The following SOX6 variants were observed in gnomAD, a reference collection of about 807,000 sequenced individuals.
The protein encoded by SOX6 is SRY-box transcription factor 6.
Under a neutral mutation model 97.8 loss-of-function variants are expected in SOX6, and 11 were observed. The observed-to-expected ratio is 0.11, with a 90% CI of 0.07 to 0.19. The LOEUF (loss-of-function observed/expected upper bound fraction) is 0.19. Ranked by LOEUF, SOX6 falls within the 10% of genes least tolerant of loss-of-function variation. The pLI is 1.00. For synonymous variants in SOX6, 360 were observed against 371.4 expected, an observed-to-expected ratio of 0.97 and a Z score of 0.35; for missense variants, 810 against 1,039.5, an observed-to-expected ratio of 0.78 and a Z score of 3.04.
At chr11:16,569,868 C>CAAAAAGAAAAAAAAAAAAAA (rs1847918387) in intron 4 of SOX6, among the ~76,000 whole-genome samples, 1 of 84,816 alleles carries the variant, frequency 1.2e-5, no homozygotes, top group Non-Finnish European at 2.1e-5. Context: ...GACTCCGTCT[C>CAAAAAGAAAAAAAAAAAAAA]AAAAAAAAAA....
chr11:16,531,771 TC>T (rs1353524018), intron 4 of SOX6, among the ~76,000 whole-genome samples: 2 of 151,992 alleles, frequency 1.3e-5, no homozygotes, highest in African/African-American at 2.4e-5. Flanking sequence ...CTAATCTTTT[TC>T]TTGATTTCTT....
intron 4 of SOX6, among the ~76,000 whole-genome samples, chr11:16,525,690 C>G (rs1408890528): frequency 6.6e-6 from 1 of 151,754 alleles, no homozygotes; most frequent in African/African-American, 2.4e-5. Flanking sequence ...TCAGAGTGAA[C>G]AGGCAACCTA....
intron 1 of SOX6, among the ~76,000 whole-genome samples, chr11:16,463,444 G>A (rs1859970067): frequency 6.6e-6 from 1 of 152,142 alleles, no homozygotes; most frequent in Non-Finnish European, 1.5e-5. Context: ...ATCATTTTAA[G>A]TGCTAAGAAG....
At chr11:16,308,143 G>T (rs1002054938) in intron 3 of SOX6, among the ~76,000 whole-genome samples, 29 of 152,036 alleles carry the variant, frequency 1.9e-4, no homozygotes, top group Non-Finnish European at 3.5e-4. Flanking sequence ...TATCAAAATT[G>T]GATAGAAGCT....
chr11:16,515,221 T>G (rs1203637417), intron 4 of SOX6, among the ~76,000 whole-genome samples: 4 of 152,182 alleles, frequency 2.6e-5, no homozygotes, highest in African/African-American at 4.8e-5. Context: ...GTTTCCTGAC[T>G]TTTTAATGAT....
At chr11:16,359,203 TA>T (rs915147420), upstream of SOX6, among the ~76,000 whole-genome samples, 107 of 145,684 alleles carry the variant, frequency 7.3e-4, no homozygotes, top group African/African-American at 1.4e-3. Context: ...CTGGTGGAAC[TA>T]AAAAAAAAAA....
intron 4 of SOX6, among the ~76,000 whole-genome samples, chr11:16,205,762 T>A (rs777545455): frequency 2.0e-5 from 3 of 152,152 alleles, no homozygotes; most frequent in Non-Finnish European, 4.4e-5. Flanking sequence ...CATAAAATAT[T>A]TCATTAACTA....
At chr11:16,441,151 T>C (rs1317744171) in intron 1 of SOX6, among the ~76,000 whole-genome samples, 1 of 152,108 alleles carries the variant, frequency 6.6e-6, no homozygotes, top group Non-Finnish European at 1.5e-5. Flanking sequence ...TCTCCTCAGG[T>C]ACCACCTCTT....
At chr11:16,465,533 G>C (rs1860013959) in intron 1 of SOX6, among the ~76,000 whole-genome samples, 1 of 152,124 alleles carries the variant, frequency 6.6e-6, no homozygotes, top group African/African-American at 2.4e-5. Context: ...TTAAAACTAA[G>C]TGATAGGCTT....
At chr11:16,329,374 A>G (rs910268465) in intron 2 of SOX6, among the ~76,000 whole-genome samples, 1 of 152,200 alleles carries the variant, frequency 6.6e-6, no homozygotes, top group South Asian at 2.1e-4. Context: ...TGCATTATCT[A>G]TACACTACCA....
At chr11:15,998,635 A>G (rs1395107410) in intron 13 of SOX6, among the ~76,000 whole-genome samples, 2 of 152,066 alleles carry the variant, frequency 1.3e-5, no homozygotes, top group Non-Finnish European at 2.9e-5. Context: ...GAAGAAAATT[A>G]GAGGATTCAA....
At chr11:15,990,310 G>C (rs1158270921) in intron 13 of SOX6, among the ~76,000 whole-genome samples, 1 of 151,914 alleles carries the variant, frequency 6.6e-6, no homozygotes, top group African/African-American at 2.4e-5. Context: ...AAAAGTCATA[G>C]ACTAAGAGGC....
At chr11:16,567,715 T>C (rs1167708519) in intron 4 of SOX6, among the ~76,000 whole-genome samples, 1 of 148,144 alleles carries the variant, frequency 6.8e-6, no homozygotes, top group Non-Finnish European at 1.5e-5. Flanking sequence ...TACAGGTGCA[T>C]GCCACCACGC....
At chr11:16,709,232 A>C (rs1333136333) in intron 3 of SOX6, among the ~76,000 whole-genome samples, 1 of 152,148 alleles carries the variant, frequency 6.6e-6, no homozygotes, top group Non-Finnish European at 1.5e-5. Flanking sequence ...GGTGTGTGGC[A>C]CCTGGCCAGG....
chr11:16,157,819 C>T (rs1850642023), intron 6 of SOX6, among the ~76,000 whole-genome samples: 1 of 151,982 alleles, frequency 6.6e-6, no homozygotes, highest in Non-Finnish European at 1.5e-5. Context: ...TGTTCAGACT[C>T]TTCTCTCTGC....
At chr11:16,736,120 AT>A (rs1159326980) in intron 2 of SOX6, among the ~76,000 whole-genome samples, 2 of 152,178 alleles carry the variant, frequency 1.3e-5, no homozygotes, top group African/African-American at 4.8e-5. Context: ...ATATAATTTC[AT>A]CCTTCCTATA....
At chr11:16,513,374 T>C (rs754352841) in intron 4 of SOX6, among the ~76,000 whole-genome samples, 4 of 152,246 alleles carry the variant, frequency 2.6e-5, no homozygotes, top group African/African-American at 7.2e-5. Context: ...GGCTCAGGCC[T>C]GTAATCCCAG....
intron 6 of SOX6, among the ~76,000 whole-genome samples, chr11:16,142,325 G>T (rs1850166650): frequency 6.6e-6 from 1 of 152,100 alleles, no homozygotes; most frequent in Non-Finnish European, 1.5e-5. Context: ...CAAACAGAAA[G>T]GACATCCACA....
intron 2 of SOX6, among the ~76,000 whole-genome samples, chr11:16,325,450 C>T (rs1308973839): frequency 6.6e-6 from 1 of 151,964 alleles, no homozygotes; most frequent in African/African-American, 2.4e-5. Context: ...AATTCATCTT[C>T]CATAAACATA....
Sources: allele counts gnomAD v4.1 joint callset (sites outside exome capture counted in the v4.1 genomes callset), GRCh38; gene constraint gnomAD v4.1.1; transcripts MANE v1.5; gene names NCBI Gene and HGNC (gene_info 2026-07-23, HGNC 2026-07-21).